ENOX1: variants seen among roughly 807,000 people sequenced by gnomAD.
The protein encoded by ENOX1 is ecto-NOX disulfide-thiol exchanger 1, also known as candidate growth-related and time keeping constitutive hydroquinone (NADH) oxidase.
Under a neutral mutation model 82.5 loss-of-function variants are expected in ENOX1, and 42 were observed. The ratio of observed to expected loss-of-function variants is 0.51; its 90% CI spans 0.40 to 0.66. ENOX1 has a LOEUF of 0.66. Ranked by LOEUF, ENOX1 falls within the 30% of genes least tolerant of loss-of-function variation. The probability of loss-of-function intolerance (pLI) is 0.00; values close to 1 mark genes in which losing one functional copy is unlikely to be tolerated. For missense variants in ENOX1, 608 were observed against 811.6 expected, an observed-to-expected ratio of 0.75 and a Z score of 3.05; for synonymous variants, 271 against 282.2, an observed-to-expected ratio of 0.96 and a Z score of 0.40.
At chr13:43,439,039 A>AT (rs2056202689) in intron 3 of ENOX1, among the ~76,000 whole-genome samples, 1 of 121,740 alleles carries the variant, frequency 8.2e-6, no homozygotes, top group African/African-American at 2.9e-5. Context: ...CTGTCTTTTA[A>AT]TCTTTTTTTT....
intron 8 of ENOX1, among the ~76,000 whole-genome samples, chr13:43,347,222 G>A (rs2049447839): frequency 6.6e-6 from 1 of 152,130 alleles, no homozygotes; most frequent in Non-Finnish European, 1.5e-5. Context: ...AAGTTCACCA[G>A]CAGATTATAG....
At chr13:43,711,747 C>T (rs544707435) in intron 1 of ENOX1, among the ~76,000 whole-genome samples, 2,171 of 150,208 alleles carry the variant, frequency 0.014, 66 homozygotes, top group African/African-American at 0.052. Context: ...TCATATCCTT[C>T]ACCCACTTTT....
chr13:43,717,340 T>C (rs965795379), intron 1 of ENOX1, among the ~76,000 whole-genome samples: 1 of 152,204 alleles, frequency 6.6e-6, no homozygotes. Flanking sequence ...GCTAGCCATA[T>C]GCAGAAGAAT....
At chr13:43,605,333 A>G (rs2081931611) in intron 2 of ENOX1, among the ~76,000 whole-genome samples, 1 of 152,186 alleles carries the variant, frequency 6.6e-6, no homozygotes, top group Non-Finnish European at 1.5e-5. Context: ...TGGAACCACA[A>G]AAGATCCAAA....
chr13:43,369,743 C>A (rs984474963), intron 5 of ENOX1, among the ~76,000 whole-genome samples: 2 of 152,206 alleles, frequency 1.3e-5, no homozygotes, highest in African/African-American at 4.8e-5. Context: ...GGCTAGACAA[C>A]CCTCTCTTAA....
intron 9 of ENOX1, among the ~76,000 whole-genome samples, chr13:43,328,733 A>G (rs1436418145): frequency 6.6e-6 from 1 of 152,190 alleles, no homozygotes. Context: ...TATCTACTCA[A>G]GCCATGTGCT....
chr13:43,550,798 T>C (rs1399970076), intron 2 of ENOX1, among the ~76,000 whole-genome samples: 1 of 152,192 alleles, frequency 6.6e-6, no homozygotes, highest in Non-Finnish European at 1.5e-5. Context: ...AGCAAAGAAG[T>C]TGTACTTTGT....
Position 43,489,779 on chromosome 13 carries a change from T to A in ENOX1, c.-218-5627A>T, listed in dbSNP as rs542699674. 9.2e-5 allele frequency among the ~76,000 whole-genome samples: 14 copies of A among 152,334 alleles called. No individual in the cohort carries two copies. The East Asian group carries it at 2.5e-3, about 27-fold the overall frequency. On this transcript the variant is annotated intron_variant, in intron 2 of 16. Coordinates refer to ENST00000690772, the MANE Select transcript of ENOX1 (RefSeq NM_001347969.2). The stretch of plus-strand genomic sequence containing the variant: ...CTTGGAGACCCAACCCAGCTGAGTA[T>A]GTCTTGAAGAAGATATGAAGTAAAA...
At chr13:43,524,063 G>T (rs1411106724) in intron 2 of ENOX1, among the ~76,000 whole-genome samples, 1 of 151,952 alleles carries the variant, frequency 6.6e-6, no homozygotes, top group African/African-American at 2.4e-5. Flanking sequence ...CATCCTCCAT[G>T]GCTACAGCCA....
At chr13:43,651,907 G>A (rs1001714909) in intron 2 of ENOX1, among the ~76,000 whole-genome samples, 14 of 149,312 alleles carry the variant, frequency 9.4e-5, no homozygotes, top group Non-Finnish European at 1.9e-4. Flanking sequence ...CCCAGGAGTC[G>A]GAGGTTGCGG....
intron 1 of ENOX1, among the ~76,000 whole-genome samples, chr13:43,766,356 G>A (rs1395025826): frequency 2.0e-5 from 3 of 152,122 alleles, no homozygotes; most frequent in African/African-American, 4.8e-5. Flanking sequence ...AAAGACCTAC[G>A]TTCTTTCTAA....
chr13:43,474,252 T>C lies in ENOX1; in HGVS notation c.-75+9757A>G, dbSNP rs2058188684. ...AACAAGCTTATATTATTGGATTTACTTGAGAGTGTACAACTGCCCTTGAAA... is the reference window on the plus strand; with the variant it reads ...AACAAGCTTATATTATTGGATTTACCTGAGAGTGTACAACTGCCCTTGAAA... On this transcript the variant is annotated intron_variant, in intron 3 of 16. Transcript: ENST00000690772. Among the ~76,000 whole-genome samples the C allele has an allele frequency of 2.0e-5, 3 of 152,140 alleles. No individual in the cohort carries two copies. In the South Asian group the frequency reaches 6.2e-4, roughly 32 times the overall value.
chr13:43,775,843 C>T (rs1020732542), intron 1 of ENOX1, among the ~76,000 whole-genome samples: 1 of 152,180 alleles, frequency 6.6e-6, no homozygotes, highest in Non-Finnish European at 1.5e-5. Context: ...ATTCAAGTTG[C>T]TCTTTTGTGC....
intron 1 of ENOX1, among the ~76,000 whole-genome samples, chr13:43,731,222 A>C (rs560831411): frequency 1.3e-5 from 2 of 152,246 alleles, no homozygotes; most frequent in South Asian, 4.2e-4. Context: ...CCATACACTA[A>C]AAATTACTCT....
In ENOX1 at chr13:43,478,065, T is replaced by G. The variant is rs868261254; in HGVS notation, c.-75+5944A>C. Among the ~76,000 whole-genome samples the G allele has an allele frequency of 9.3e-3, 1,381 of 149,230 alleles. 12 individuals carry two copies. The highest frequency in any genetic ancestry group is 0.032 in the African/African-American group (1,293 of 40,252). On this transcript the variant is annotated intron_variant, in intron 3 of 16. Coordinates refer to ENST00000690772, the MANE Select transcript of ENOX1 (RefSeq NM_001347969.2). The stretch of plus-strand genomic sequence containing the variant: ...AAGGAGCCAGAGAGGTTTTTTTTTT[T>G]TTTTTTTTTTTTTTTCATTTTTTAA...
intron 1 of ENOX1, among the ~76,000 whole-genome samples, chr13:43,758,361 AG>A (rs1467228608): frequency 1.3e-5 from 2 of 152,354 alleles, no homozygotes; most frequent in African/African-American, 4.8e-5. Flanking sequence ...TTATGCTGAG[AG>A]GAAAAAAAAA....
intron 5 of ENOX1, among the ~76,000 whole-genome samples, chr13:43,391,195 G>A (rs1360763809): frequency 1.3e-5 from 2 of 152,026 alleles, no homozygotes; most frequent in African/African-American, 4.8e-5. Context: ...ATGTGACTTG[G>A]ATCCCGTAAC....
chr13:43,565,611 T>C (rs2079883226), intron 2 of ENOX1, among the ~76,000 whole-genome samples: 1 of 152,164 alleles, frequency 6.6e-6, no homozygotes, highest in African/African-American at 2.4e-5. Context: ...AGTAGGGGAT[T>C]TCAATCCATT....
chr13:43,576,065 A>C (rs1029623104), intron 2 of ENOX1, among the ~76,000 whole-genome samples: 1 of 152,250 alleles, frequency 6.6e-6, no homozygotes, highest in Admixed American at 6.5e-5. Context: ...TTCAATTAAT[A>C]ACACAACTCA....
Sources: gnomAD v4.1 joint callset for allele counts (sites outside exome capture counted in the v4.1 genomes callset) on GRCh38, gnomAD v4.1.1 for gene constraint, MANE v1.5 for transcripts, NCBI Gene and HGNC (gene_info 2026-07-23, HGNC 2026-07-21) for gene names.